The following RUNDC3B variants were observed in gnomAD, a reference collection of about 807,000 sequenced individuals.
RUNDC3B encodes RUN domain-containing protein 3B.
In RUNDC3B, 33 loss-of-function variants were observed where a neutral mutation model predicts 58.4. That is an observed-to-expected ratio of 0.56 (90% CI 0.43 to 0.75). The LOEUF (loss-of-function observed/expected upper bound fraction) is 0.75. Ranked by LOEUF, RUNDC3B falls within the 30% of genes least tolerant of loss-of-function variation. The probability of loss-of-function intolerance (pLI) is 0.00; values close to 1 mark genes in which losing one functional copy is unlikely to be tolerated. For synonymous variants in RUNDC3B, 193 were observed against 195.2 expected, an observed-to-expected ratio of 0.99 and a Z score of 0.10; for missense variants, 501 against 535.7, an observed-to-expected ratio of 0.94 and a Z score of 0.64.
intron 8 of RUNDC3B, among the ~76,000 whole-genome samples, chr7:87,780,449 G>T (rs1311340831): frequency 6.6e-6 from 1 of 151,966 alleles, no homozygotes; most frequent in East Asian, 1.9e-4. Flanking sequence ...TTTTACTGGG[G>T]TTATTTGTTT....
intron 2 of RUNDC3B, among the ~76,000 whole-genome samples, chr7:87,683,151 CT>C (rs1484269205): frequency 6.6e-6 from 1 of 152,146 alleles, no homozygotes; most frequent in Non-Finnish European, 1.5e-5. Context: ...GCGTCTTTGC[CT>C]CTCTCATCCT....
At chr7:87,719,328 A>T (rs1830733016) in intron 4 of RUNDC3B, among the ~76,000 whole-genome samples, 1 of 152,026 alleles carries the variant, frequency 6.6e-6, no homozygotes, top group African/African-American at 2.4e-5. Context: ...AAGTTAATTT[A>T]TAATTTGGCT....
chr7:87,681,516 TC>T (rs1826926164), intron 2 of RUNDC3B, among the ~76,000 whole-genome samples: 1 of 150,836 alleles, frequency 6.6e-6, no homozygotes, highest in Non-Finnish European at 1.5e-5. Flanking sequence ...TACACTGTAA[TC>T]TATTAAGTGT....
intron 8 of RUNDC3B, among the ~76,000 whole-genome samples, chr7:87,778,444 A>AT (rs1201836025): frequency 6.6e-6 from 1 of 151,618 alleles, no homozygotes; most frequent in Non-Finnish European, 1.5e-5. Context: ...CTCTGTCAAA[A>AT]AAAAAAAAAA....
chr7:87,734,491 T>A (rs1831802153), intron 4 of RUNDC3B, among the ~76,000 whole-genome samples: 1 of 152,192 alleles, frequency 6.6e-6, no homozygotes, highest in Non-Finnish European at 1.5e-5. Context: ...ATCTCTTTAC[T>A]ATTGCTGGAT....
At chr7:87,664,271 C>T (rs1438592837) in intron 2 of RUNDC3B, among the ~76,000 whole-genome samples, 2 of 152,052 alleles carry the variant, frequency 1.3e-5, no homozygotes, top group African/African-American at 4.8e-5. Flanking sequence ...GGCTGTAGTA[C>T]ACTATTATTG....
At chr7:87,732,064 T>G (rs1831610508) in intron 4 of RUNDC3B, among the ~76,000 whole-genome samples, 1 of 152,192 alleles carries the variant, frequency 6.6e-6, no homozygotes, top group South Asian at 2.1e-4. Flanking sequence ...TTAAATAACT[T>G]TTCTGACTAC....
At chr7:87,648,038 A>G (rs1242346811) in intron 1 of RUNDC3B, among the ~76,000 whole-genome samples, 2 of 151,982 alleles carry the variant, frequency 1.3e-5, no homozygotes, top group African/African-American at 4.8e-5. Flanking sequence ...ACAAAAAATT[A>G]GCCGGGCTTG....
chr7:87,809,812 C>T (rs762570508), intron 9 of RUNDC3B, among the ~76,000 whole-genome samples: 9 of 152,268 alleles, frequency 5.9e-5, no homozygotes, highest in Middle Eastern at 3.4e-3. Flanking sequence ...TGAAACCAAT[C>T]ACAGCTTTTC....
At chr7:87,711,537 A>G (rs1476144197) in intron 4 of RUNDC3B, among the ~76,000 whole-genome samples, 12 of 152,072 alleles carry the variant, frequency 7.9e-5, no homozygotes, top group Non-Finnish European at 1.3e-4. Flanking sequence ...CCTAATTAGC[A>G]CTCATCTGCT....
chr7:87,753,261 T>C (rs1407752276), intron 6 of RUNDC3B, among the ~76,000 whole-genome samples: 1 of 151,650 alleles, frequency 6.6e-6, no homozygotes, highest in Non-Finnish European at 1.5e-5. Flanking sequence ...ATTTCTGTTC[T>C]TTTACATTTG....
chr7:87,819,101 G>A lies in RUNDC3B; in HGVS notation c.1225+2839G>A, dbSNP rs562029924. On this transcript the variant is annotated intron_variant, in intron 10 of 10. Coordinates refer to ENST00000394654, the MANE Select transcript of RUNDC3B (RefSeq NM_001134405.2). ...GCTATGCCAGTCCAGCTGAAGGTCC[G>A]AGCTGCTTACGGGCTCTCTGCTGAG... Among the ~76,000 whole-genome samples, 8 of 152,246 alleles carry A rather than the reference G, an allele frequency of 5.3e-5. No homozygotes were observed. In the South Asian group the frequency reaches 8.3e-4, roughly 16 times the overall value.
chr7:87,779,195 G>A (rs937269517), intron 8 of RUNDC3B, among the ~76,000 whole-genome samples: 4 of 152,118 alleles, frequency 2.6e-5, no homozygotes, highest in African/African-American at 9.7e-5. Context: ...TCATATTCCA[G>A]TTTTGTCAAA....
chr7:87,718,804 A>G (rs1830703648), intron 4 of RUNDC3B, among the ~76,000 whole-genome samples: 1 of 152,158 alleles, frequency 6.6e-6, no homozygotes, highest in Admixed American at 6.6e-5. Flanking sequence ...ATAAGATTTT[A>G]AAGAATGTAT....
chr7:87,641,821 G>A (rs920393047), intron 1 of RUNDC3B, among the ~76,000 whole-genome samples: 5 of 152,176 alleles, frequency 3.3e-5, no homozygotes, highest in Non-Finnish European at 7.3e-5. Flanking sequence ...GTCTTTAGAA[G>A]AGGTTAGGAA....
chr7:87,637,356 A>G (rs1198029176), intron 1 of RUNDC3B, among the ~76,000 whole-genome samples: 1 of 152,234 alleles, frequency 6.6e-6, no homozygotes, highest in African/African-American at 2.4e-5. Flanking sequence ...GTGTGGTAAT[A>G]TAAGTTATCT....
rs1356042632 is a variant in RUNDC3B at position 87,831,244 on chromosome 7, T to C, written c.*1214T>C. 6.6e-6 allele frequency: 1 copy of C among 151,782 alleles called. No individual in the cohort carries two copies. The highest frequency in any genetic ancestry group is 2.4e-5 in the African/African-American group (1 of 41,386). 9.4% of individuals were successfully genotyped at this position (151,782 alleles called of 1,614,324 possible). A position where few individuals can be genotyped will look rare whatever the true frequency, so the allele number is the denominator to read the frequency against. On this transcript the variant is annotated 3_prime_UTR_variant, in exon 11 of 11. Transcript: ENST00000394654. Reference sequence around the variant, plus strand: ...AGCTGTGCCAAAGAAATTTTATACATTGTTTACATGATGAGGCCACAGTAC... The same window carrying C: ...AGCTGTGCCAAAGAAATTTTATACACTGTTTACATGATGAGGCCACAGTAC...
At chr7:87,671,551 G>A (rs1158665254) in intron 2 of RUNDC3B, among the ~76,000 whole-genome samples, 2 of 152,160 alleles carry the variant, frequency 1.3e-5, no homozygotes, top group African/African-American at 2.4e-5. Flanking sequence ...GGTATCACCA[G>A]TGAAGGCCGC....
intron 2 of RUNDC3B, among the ~76,000 whole-genome samples, chr7:87,677,677 A>G (rs1826517242): frequency 6.6e-6 from 1 of 152,208 alleles, no homozygotes; most frequent in Admixed American, 6.5e-5. Context: ...CCAAAACAGA[A>G]CAAAACAAAA....
Sources: allele counts gnomAD v4.1 joint callset (sites outside exome capture counted in the v4.1 genomes callset), GRCh38; gene constraint gnomAD v4.1.1; transcripts MANE v1.5; gene names NCBI Gene and HGNC (gene_info 2026-07-23, HGNC 2026-07-21).